Variants in MTDH observed in about 807,000 individuals in gnomAD.
The protein encoded by MTDH is protein LYRIC.
MTDH carries 34 observed loss-of-function variants against 72.7 expected under a neutral mutation model. That is an observed-to-expected ratio of 0.47 (90% CI 0.36 to 0.62). The LOEUF is 0.62. Ranked by LOEUF, MTDH falls within the 20% of genes least tolerant of loss-of-function variation. The pLI, the probability that MTDH is intolerant of heterozygous loss-of-function variation, is 0.00. For missense variants in MTDH, 677 were observed against 699.4 expected (o/e 0.97, Z 0.36); for synonymous variants, 266 against 268.9 (o/e 0.99, Z 0.10).
At chr8:97,680,489 T>C (rs1273510823) in intron 2 of MTDH, among the ~76,000 whole-genome samples, 4 of 152,226 alleles carry the variant, frequency 2.6e-5, no homozygotes, top group African/African-American at 4.8e-5. Context: ...AGGAGTGTTA[T>C]GGTGTGTGTA....
At chr8:97,645,758 A>G (rs372881332) in intron 1 of MTDH, among the ~76,000 whole-genome samples, 1 of 152,194 alleles carries the variant, frequency 6.6e-6, no homozygotes, top group Non-Finnish European at 1.5e-5. Context: ...TGCCATTCCC[A>G]TGGTTCTCCC....
Position 97,644,562 on chromosome 8 carries a change from C to A in MTDH, c.56C>A (p.Ala19Asp). 2 of 1,603,812 alleles carry A rather than the reference C, an allele frequency of 1.2e-6. No homozygotes were observed. The highest frequency in any genetic ancestry group is 1.7e-6 in the Non-Finnish European group (2 of 1,178,194). The part of the protein sequence containing the change: ...ELAQQAEEGS[A>D]RLREMLSVGL... ...GCCCAGCAGGCCGAGGAGGGCTCGG[C>A]CCGGCTGCGGGAAATGCTCTCGGTC... Residue 19 changes from alanine to aspartate, a missense_variant, in exon 1 of 12, where the codon GCC (alanine) becomes GAC (aspartate). Physicochemically the swap from Ala to Asp is moderately radical, Grantham distance 126. Coordinates refer to ENST00000336273, the MANE Select transcript of MTDH (RefSeq NM_178812.4).
At position 97,724,659 on chromosome 8, in the gene MTDH, C is replaced by G; in HGVS notation, c.1738C>G (p.Arg580Gly). ...KQIKKKKKAR[R>G]ET ...AATAAAAAAGAAGAAAAAAGCCAGACGAGAAACGTGAAATTTTTTTTCCTG... is the reference window on the plus strand; with the variant it reads ...AATAAAAAAGAAGAAAAAAGCCAGAGGAGAAACGTGAAATTTTTTTTCCTG... Residue 580 changes from arginine (R) to glycine (G), a missense_variant, in exon 12 of 12, where the codon CGA (arginine) becomes GGA (glycine). Coordinates refer to ENST00000336273, the MANE Select transcript of MTDH (RefSeq NM_178812.4). 1 of 1,592,856 alleles carries G rather than the reference C, an allele frequency of 6.3e-7. No individual in the cohort carries two copies. Among genetic ancestry groups the G allele is most frequent in the Non-Finnish European group, 8.5e-7 (1 of 1,174,772 alleles).
intron 5 of MTDH, among the ~76,000 whole-genome samples, 184 bp downstream of exon 5, chr8:97,689,287 C>T (rs1039655967): frequency 1.4e-4 from 21 of 151,668 alleles, no homozygotes; most frequent in Admixed American, 1.3e-4. Flanking sequence ...AAAATCACAC[C>T]CACTTCTAAC....
intron 1 of MTDH, among the ~76,000 whole-genome samples, chr8:97,648,695 T>C (rs1457780815): frequency 3.3e-5 from 5 of 152,186 alleles, no homozygotes. Context: ...ATTTGCATAT[T>C]AGTGTAGGAA....
intron 1 of MTDH, among the ~76,000 whole-genome samples, chr8:97,650,575 T>C (rs1219400325): frequency 6.6e-6 from 1 of 152,134 alleles, no homozygotes; most frequent in East Asian, 1.9e-4. Flanking sequence ...GTGCCCAGCC[T>C]CTCTCTACCA....
chr8:97,684,396 A>G (rs1813276283), intron 2 of MTDH, among the ~76,000 whole-genome samples: 2 of 152,036 alleles, frequency 1.3e-5, no homozygotes, highest in Admixed American at 1.3e-4. Flanking sequence ...GTTGGCCAGC[A>G]CTGCTCTAGA....
At chr8:97,708,264 C>CTTTTTTTTTTTTTTTT (rs71271145) in intron 8 of MTDH, among the ~76,000 whole-genome samples, 1 of 32,070 alleles carries the variant, frequency 3.1e-5, no homozygotes, top group African/African-American at 1.8e-4. Flanking sequence ...CATGCCAGGC[C>CTTTTTTTTTTTTTTTT]TTTTTTTTTT....
intron 2 of MTDH, among the ~76,000 whole-genome samples, chr8:97,669,581 T>G (rs1404092302): frequency 6.8e-6 from 1 of 146,904 alleles, no homozygotes; most frequent in East Asian, 2.2e-4. Flanking sequence ...TGCTATAATA[T>G]CAAGGAGGAG....
chr8:97,713,234 G>C (rs1814706528), intron 8 of MTDH, among the ~76,000 whole-genome samples: 1 of 152,072 alleles, frequency 6.6e-6, no homozygotes, highest in African/African-American at 2.4e-5. Context: ...ACAGGCGCCT[G>C]CCATCACGCC....
At chr8:97,711,113 A>C (rs1339220486) in intron 8 of MTDH, among the ~76,000 whole-genome samples, 1 of 152,194 alleles carries the variant, frequency 6.6e-6, no homozygotes, top group Non-Finnish European at 1.5e-5. Flanking sequence ...TGTCCTGCAG[A>C]ATGCTATTTT....
At chr8:97,684,387 T>C (rs565911550) in intron 2 of MTDH, among the ~76,000 whole-genome samples, 1 of 152,260 alleles carries the variant, frequency 6.6e-6, no homozygotes, top group South Asian at 2.1e-4. Flanking sequence ...TATATTTCTG[T>C]TGGCCAGCAC....
At chr8:97,689,827 C>T (rs993880327) in intron 5 of MTDH, among the ~76,000 whole-genome samples, 10 of 151,386 alleles carry the variant, frequency 6.6e-5, no homozygotes, top group African/African-American at 2.4e-4. Flanking sequence ...CCTGCCTCAG[C>T]CTCCCGAGTA....
intron 1 of MTDH, among the ~76,000 whole-genome samples, chr8:97,652,560 C>T (rs966374836): frequency 6.6e-6 from 1 of 152,160 alleles, no homozygotes; most frequent in Non-Finnish European, 1.5e-5. Context: ...TCTCCCTCCC[C>T]AGATTGTAAA....
chr8:97,682,254 A>G (rs1432115903), intron 2 of MTDH, among the ~76,000 whole-genome samples: 1 of 4,478 alleles, frequency 2.2e-4, no homozygotes, highest in African/African-American at 8.0e-4. Flanking sequence ...ATATATATAT[A>G]TATATATATA....
At chr8:97,683,799 T>C (rs1813239347) in intron 2 of MTDH, among the ~76,000 whole-genome samples, 1 of 152,088 alleles carries the variant, frequency 6.6e-6, no homozygotes, top group Non-Finnish European at 1.5e-5. Flanking sequence ...TTGCCACGTG[T>C]GGATATTGAG....
At position 97,706,617 on chromosome 8, in the gene MTDH, A is replaced by G; in HGVS notation, c.1148-9A>G. Reference sequence around the variant, plus strand: ...TGATAGACGCCTAATTCACACTGTTAAATTTTAGATGGTCTGTCTTCTGCT... The same window carrying G: ...TGATAGACGCCTAATTCACACTGTTGAATTTTAGATGGTCTGTCTTCTGCT... On this transcript the variant is annotated splice_polypyrimidine_tract_variant and intron_variant, in intron 7 of 11. Transcript: ENST00000336273. 1 of 1,567,196 alleles carries G rather than the reference A, an allele frequency of 6.4e-7. No individual in the cohort carries two copies. The highest frequency in any genetic ancestry group is 8.6e-7 in the Non-Finnish European group (1 of 1,159,280).
Position 97,728,495 on chromosome 8 carries a change from G to A in MTDH, c.*3825G>A, listed in dbSNP as rs7754. 0.46 allele frequency: 70,445 copies of A among 152,012 alleles called. 18,820 individuals are homozygous for A. Among genetic ancestry groups the A allele is most frequent in the African/African-American group, 0.73 (30,202 of 41,504 alleles). 9.4% of individuals were successfully genotyped at this position (152,012 alleles called of 1,614,324 possible). A position where few individuals can be genotyped will look rare whatever the true frequency, so the allele number is the denominator to read the frequency against. ...TTATGTCATTTTAGCAGTAGATGTA[G>A]CTGCCTGCCACCAGGTGCAATATGT... On this transcript the variant is annotated 3_prime_UTR_variant, in exon 12 of 12. Coordinates refer to ENST00000336273, the MANE Select transcript of MTDH (RefSeq NM_178812.4).
intron 2 of MTDH, among the ~76,000 whole-genome samples, chr8:97,664,573 G>A (rs773134865): frequency 2.0e-5 from 3 of 151,934 alleles, no homozygotes; most frequent in Non-Finnish European, 2.9e-5. Flanking sequence ...TTGCCATCCC[G>A]TTTTGCATTT....
Sources: allele counts gnomAD v4.1 joint callset (sites outside exome capture counted in the v4.1 genomes callset), GRCh38; gene constraint gnomAD v4.1.1; transcripts MANE v1.5; gene names NCBI Gene and HGNC (gene_info 2026-07-23, HGNC 2026-07-21).